NTRK3: variants seen among roughly 807,000 people sequenced by gnomAD.
NTRK3 encodes the protein NT-3 growth factor receptor.
NTRK3 carries 24 observed loss-of-function variants against 91.7 expected under a neutral mutation model. The observed-to-expected ratio is 0.26, with a 90% confidence interval of 0.19 to 0.37. NTRK3 has a LOEUF of 0.37. Among genes scored for constraint, NTRK3 ranks in the 10% least tolerant of loss-of-function variants. NTRK3 has a pLI of 1.00. For missense variants in NTRK3, 880 were observed against 1,068.9 expected (o/e 0.82, Z 2.46); for synonymous variants, 483 against 404.0 (o/e 1.20, Z -2.34).
At chr15:88,054,116 T>C (rs910384861) in intron 13 of NTRK3, among the ~76,000 whole-genome samples, 2 of 152,230 alleles carry the variant, frequency 1.3e-5, no homozygotes, top group Non-Finnish European at 2.9e-5. Flanking sequence ...GAGGCCGTTC[T>C]GGGCAAAAAG....
intron 14 of NTRK3, among the ~76,000 whole-genome samples, chr15:87,982,229 G>A (rs1359323067): frequency 1.3e-5 from 2 of 152,168 alleles, no homozygotes; most frequent in Non-Finnish European, 2.9e-5. Context: ...GCTGAAGCCT[G>A]ATAGCATAAG....
chr15:87,929,279 G>A (rs2141911612), exon 17 of NTRK3: 2 of 1,614,104 alleles, frequency 1.2e-6, no homozygotes, highest in Non-Finnish European at 8.5e-7. Flanking sequence ...GCAGTTCCTG[G>A]TGGCCAGGTC....
At position 88,139,926 on chromosome 15, in the gene NTRK3, G is replaced by T. The variant is rs187570244; in HGVS notation, c.465-2365C>A. Among the ~76,000 whole-genome samples, 355 of 150,000 alleles carry T rather than the reference G, an allele frequency of 2.4e-3. 4 individuals carry two copies. In the East Asian group the frequency reaches 0.031, roughly 13 times the overall value. ...GCAAAGACCATGTTGGGGTGGGAGGGGGGGAGTGTGGGGGGTGGGGGTAAG... is the reference window on the plus strand; with the variant it reads ...GCAAAGACCATGTTGGGGTGGGAGGTGGGGAGTGTGGGGGGTGGGGGTAAG... On this transcript the variant is annotated intron_variant, in intron 6 of 18. Transcript: ENST00000394480.
At chr15:87,940,656 G>C (rs1381951189) in exon 15 of NTRK3, 4 of 1,613,920 alleles carry the variant, frequency 2.5e-6, no homozygotes, top group Non-Finnish European at 3.4e-6. Flanking sequence ...CCTTGGTCGG[G>C]CTGAGGTTGT....
intron 13 of NTRK3, among the ~76,000 whole-genome samples, chr15:88,071,705 C>T (rs2047102107): frequency 6.6e-6 from 1 of 152,212 alleles, no homozygotes; most frequent in South Asian, 2.1e-4. Flanking sequence ...CTCCAAGTTA[C>T]ATAGCTTGAA....
intron 13 of NTRK3, among the ~76,000 whole-genome samples, chr15:88,070,146 A>G (rs1567333215): frequency 6.6e-6 from 1 of 152,166 alleles, no homozygotes; most frequent in African/African-American, 2.4e-5. Context: ...TTAACAGAAA[A>G]CTGGCCTCTA....
intron 5 of NTRK3, among the ~76,000 whole-genome samples, chr15:88,168,276 T>C (rs533321945): frequency 3.3e-5 from 5 of 152,030 alleles, no homozygotes; most frequent in Non-Finnish European, 7.4e-5. Flanking sequence ...GGGGTCTTCC[T>C]AGTCACTGCT....
intron 13 of NTRK3, among the ~76,000 whole-genome samples, chr15:88,113,609 G>A (rs2051695242): frequency 6.6e-6 from 1 of 152,070 alleles, no homozygotes; most frequent in Non-Finnish European, 1.5e-5. Context: ...AGCCACCACA[G>A]CTGGTCTAAC....
At chr15:88,051,138 C>G (rs2080787033) in intron 13 of NTRK3, among the ~76,000 whole-genome samples, 1 of 152,160 alleles carries the variant, frequency 6.6e-6, no homozygotes, top group African/African-American at 2.4e-5. Flanking sequence ...CTGCTGTTCC[C>G]CAAATACACA....
At chr15:88,179,548 C>T (rs1188122917) in intron 5 of NTRK3, among the ~76,000 whole-genome samples, 1 of 152,208 alleles carries the variant, frequency 6.6e-6, no homozygotes, top group Non-Finnish European at 1.5e-5. Context: ...TGTTTGAGTG[C>T]AGCTCAGACA....
In NTRK3 at chr15:87,934,840, G is replaced by A. The variant is rs2069124444; in HGVS notation, c.1717-1656C>T. ...CAAAGTTCAGTAGCAATGCCTCTAA[G>A]GTCATCAAGTGGAGGTGTGGTCTTC... On this transcript the variant is annotated intron_variant, in intron 15 of 18. Coordinates refer to ENST00000394480, the Ensembl canonical transcript of NTRK3. Among the ~76,000 whole-genome samples, 4 of 152,148 alleles carry A rather than the reference G, an allele frequency of 2.6e-5. No homozygotes were observed. The South Asian group carries it at 8.3e-4, about 32-fold the overall frequency.
intron 5 of NTRK3, among the ~76,000 whole-genome samples, chr15:88,167,854 T>C (rs1161072283): frequency 1.3e-5 from 2 of 152,122 alleles, no homozygotes; most frequent in Non-Finnish European, 2.9e-5. Context: ...AGAAACTCCA[T>C]AAAATTCTGA....
chr15:87,930,006 C>T (rs539084720), intron 16 of NTRK3, among the ~76,000 whole-genome samples: 1 of 152,284 alleles, frequency 6.6e-6, no homozygotes, highest in East Asian at 1.9e-4. Context: ...CCAAGATTCC[C>T]TGGCCCTGCC....
At position 87,933,197 on chromosome 15, in the gene NTRK3, C is replaced by A. The variant is rs1281298374; in HGVS notation, c.1717-13G>T. ...GATCCTTCAGGGCCTAGGAACAATG[C>A]AGGACACAGGTGTTTAACAACTACA... is the stretch of plus-strand genomic sequence containing the variant. On this transcript the variant is annotated splice_polypyrimidine_tract_variant and intron_variant, in intron 15 of 18. Coordinates refer to ENST00000394480, the Ensembl canonical transcript of NTRK3. 3.7e-6 allele frequency: 6 copies of A among 1,613,900 alleles called. No homozygotes were observed. The highest frequency in any genetic ancestry group is 5.1e-6 in the Non-Finnish European group (6 of 1,179,930).
At chr15:88,209,000 G>A (rs1331385753) in intron 3 of NTRK3, among the ~76,000 whole-genome samples, 1 of 152,196 alleles carries the variant, frequency 6.6e-6, no homozygotes. Context: ...ACCAGGTACT[G>A]CCCACAGCAA....
chr15:87,899,445 C>G (rs1456896419), intron 17 of NTRK3, among the ~76,000 whole-genome samples: 4 of 150,388 alleles, frequency 2.7e-5, no homozygotes, highest in Admixed American at 6.6e-5. Context: ...CATTCGAACT[C>G]CATCAGTCAG....
At chr15:88,215,926 A>G (rs903796888) in intron 3 of NTRK3, among the ~76,000 whole-genome samples, 1 of 152,202 alleles carries the variant, frequency 6.6e-6, no homozygotes, top group African/African-American at 2.4e-5. Context: ...GAAAAAAACA[A>G]TTCTGAAATT....
chr15:88,158,815 C>T (rs528878708), intron 5 of NTRK3, among the ~76,000 whole-genome samples: 3 of 152,234 alleles, frequency 2.0e-5, no homozygotes, highest in South Asian at 2.1e-4. Flanking sequence ...GAGCTGACTA[C>T]CCCAGAGAGG....
chr15:88,104,164 T>C (rs1308427011), intron 13 of NTRK3, among the ~76,000 whole-genome samples: 1 of 152,220 alleles, frequency 6.6e-6, no homozygotes, highest in Non-Finnish European at 1.5e-5. Context: ...CTGGTTTCAA[T>C]ATGACAAGGT....
Sources: gnomAD v4.1 joint callset for allele counts (sites outside exome capture counted in the v4.1 genomes callset) on GRCh38, gnomAD v4.1.1 for gene constraint, MANE v1.5 for transcripts, NCBI Gene and HGNC (gene_info 2026-07-23, HGNC 2026-07-21) for gene names.